The following HLCS variants were observed in gnomAD, a reference collection of about 807,000 sequenced individuals.
The protein encoded by HLCS is holocarboxylase synthetase.
A neutral mutation model predicts 75.0 loss-of-function variants in HLCS; 53 were observed. That is an observed-to-expected ratio of 0.71 (90% CI 0.57 to 0.89). HLCS has a LOEUF of 0.89. Ranked by LOEUF, HLCS falls within the 40% of genes least tolerant of loss-of-function variation. The pLI is 0.00. For synonymous variants in HLCS, 431 were observed against 428.6 expected (o/e 1.01, Z -0.07); for missense variants, 966 against 1,074.0 (o/e 0.90, Z 1.41).
intron 6 of HLCS, among the ~76,000 whole-genome samples, chr21:36,802,957 T>C (rs1265320982): frequency 1.3e-5 from 2 of 152,204 alleles, no homozygotes; most frequent in Non-Finnish European, 1.5e-5. Context: ...GTCAAAGAGA[T>C]GGGTGTAGAT....
chr21:36,800,644 CT>C (rs903180718), intron 6 of HLCS, among the ~76,000 whole-genome samples: 26 of 152,172 alleles, frequency 1.7e-4, no homozygotes, highest in African/African-American at 5.6e-4. Flanking sequence ...AGGGCTGGGA[CT>C]TGAACCTAGG....
At chr21:36,947,102 CG>C (rs2067440059) in intron 2 of HLCS, among the ~76,000 whole-genome samples, 1 of 152,124 alleles carries the variant, frequency 6.6e-6, no homozygotes, top group Non-Finnish European at 1.5e-5. Flanking sequence ...GGAGGAGAAC[CG>C]CTCAGCCAAT....
At chr21:36,756,178 C>G (rs2089564204) in intron 10 of HLCS, among the ~76,000 whole-genome samples, 1 of 152,180 alleles carries the variant, frequency 6.6e-6, no homozygotes, top group Admixed American at 6.5e-5. Flanking sequence ...GTGGCTCACA[C>G]CTGTAATCCC....
In HLCS at chr21:36,949,452, T is replaced by C. The variant is rs1287443149; in HGVS notation, c.331-10458A>G. 2.6e-5 allele frequency among the ~76,000 whole-genome samples: 4 copies of C among 152,186 alleles called. 1 individual carries two copies. Among genetic ancestry groups the C allele is most frequent in the African/African-American group, 9.6e-5 (4 of 41,464 alleles). The stretch of plus-strand genomic sequence containing the variant: ...TTGAGCTTCCTCACAGTATGGGAGC[T>C]GGACTCCCAGATGGCATGTTCCAAA... On this transcript the variant is annotated intron_variant, in intron 2 of 10. Transcript: ENST00000674895.
chr21:36,919,844 A>C (rs1316896308), intron 5 of HLCS, among the ~76,000 whole-genome samples: 4 of 152,256 alleles, frequency 2.6e-5, no homozygotes, highest in Non-Finnish European at 4.4e-5. Flanking sequence ...TATAAAGATG[A>C]AAATGGTAAT....
At chr21:36,778,418 T>A (rs1191939012) in intron 6 of HLCS, among the ~76,000 whole-genome samples, 1 of 152,148 alleles carries the variant, frequency 6.6e-6, no homozygotes, top group East Asian at 1.9e-4. Context: ...TAGCTGGGAT[T>A]ACAGGTGTGC....
chr21:36,936,967 T>C lies in HLCS; in HGVS notation c.919A>G (p.Lys307Glu), dbSNP rs199506593. 1.1e-5 allele frequency: 17 copies of C among 1,614,118 alleles called. No homozygotes were observed. The highest frequency in any genetic ancestry group is 1.0e-4 in the Admixed American group (6 of 60,004). Reference sequence around the variant, plus strand: ...ACATAGAGGAGGATGTTGGGTGCCTTTCCCGTGAGGTTGACTCTCCTCCCT... The same window carrying C: ...ACATAGAGGAGGATGTTGGGTGCCTCTCCCGTGAGGTTGACTCTCCTCCCT... Reference protein sequence around the residue: ...REGRRVNLTGKAPNILLYVGS... With the variant: ...REGRRVNLTGEAPNILLYVGS... The change falls in exon 4 of 11, where the codon AAG becomes GAG. Residue 307 changes from lysine to glutamate, a missense_variant. By Grantham distance (56) the Lys-to-Glu change is moderately conservative. Coordinates refer to ENST00000674895, the MANE Select transcript of HLCS (RefSeq NM_001352514.2).
At position 36,962,086 on chromosome 21, in the gene HLCS, T is replaced by C. The variant is rs1213204811; in HGVS notation, c.280A>G (p.Ser94Gly). 10 of 1,289,266 alleles carry C rather than the reference T, an allele frequency of 7.8e-6. No individual in the cohort carries two copies. Among genetic ancestry groups the C allele is most frequent in the Non-Finnish European group, 1.0e-5 (10 of 988,550 alleles). 79.9% of individuals were successfully genotyped at this position (1,289,266 alleles called of 1,614,324 possible). ...EAEHIAFVTE[S>G]IWVQSENLQR... The stretch of plus-strand genomic sequence containing the variant: ...AAATTCTCACTTTGTACCCAAATGC[T>C]CTCCGTCACAAATGCTATGTGTTCT... The change falls in exon 2 of 11, where the codon AGC becomes GGC. Residue 94 changes from serine (S) to glycine (G), a missense_variant. Physicochemically the swap from Ser to Gly is moderately conservative, Grantham distance 56. Coordinates refer to ENST00000674895, the MANE Select transcript of HLCS (RefSeq NM_001352514.2).
At chr21:36,970,711 C>T (rs1028321628), upstream of HLCS, among the ~76,000 whole-genome samples, 5 of 150,960 alleles carry the variant, frequency 3.3e-5, no homozygotes, top group African/African-American at 7.3e-5. Flanking sequence ...AGAAAATCTT[C>T]GCCGGGCACA....
At chr21:36,811,703 C>T (rs1569043884) in intron 6 of HLCS, among the ~76,000 whole-genome samples, 1 of 152,168 alleles carries the variant, frequency 6.6e-6, no homozygotes, top group Admixed American at 6.5e-5. Context: ...TTTAAAAGAC[C>T]TCTTTCCCAT....
chr21:36,856,981 T>A (rs555883322), intron 6 of HLCS, among the ~76,000 whole-genome samples: 26 of 152,256 alleles, frequency 1.7e-4, no homozygotes, highest in Non-Finnish European at 1.5e-5. Flanking sequence ...TCACTTTGCA[T>A]GGTCCCACAT....
intron 2 of HLCS, chr21:36,947,221 A>G (rs2067446282): frequency 2.5e-6 from 1 of 404,890 alleles, no homozygotes; most frequent in African/African-American, 2.2e-5. Context: ...CACACCTCTG[A>G]AGAGGAATGA....
intron 6 of HLCS, among the ~76,000 whole-genome samples, chr21:36,779,466 C>G (rs933509382): frequency 6.6e-6 from 1 of 152,050 alleles, no homozygotes; most frequent in Non-Finnish European, 1.5e-5. Flanking sequence ...CATTCTAGCC[C>G]CTCCTTTTCT....
At chr21:36,980,074 AG>A in intron 1 of HLCS, among the ~76,000 whole-genome samples, 1 of 138,968 alleles carries the variant, frequency 7.2e-6, no homozygotes, top group South Asian at 2.3e-4. Flanking sequence ...TGGTGGTCCC[AG>A]ATACTCAGAG....
chr21:36,770,649 T>C (rs1279347093), intron 6 of HLCS, among the ~76,000 whole-genome samples: 2 of 151,870 alleles, frequency 1.3e-5, no homozygotes, highest in East Asian at 3.9e-4. Context: ...TGACTCACTA[T>C]AGCCTGGACC....
chr21:36,878,298 T>G (rs1425355539), intron 6 of HLCS, among the ~76,000 whole-genome samples: 3 of 152,178 alleles, frequency 2.0e-5, no homozygotes, highest in African/African-American at 7.2e-5. Flanking sequence ...TATTTTCAAG[T>G]TCATAGAACC....
At chr21:36,793,295 C>CTTTTTTTTT (rs761549990) in intron 6 of HLCS, among the ~76,000 whole-genome samples, 7,245 of 115,596 alleles carry the variant, frequency 0.063, 580 homozygotes, top group African/African-American at 0.088. Flanking sequence ...AGGAAGCAGT[C>CTTTTTTTTT]TTTTTTTTTT....
At chr21:36,766,507 G>A (rs1411449311) in intron 7 of HLCS, among the ~76,000 whole-genome samples, 2 of 152,106 alleles carry the variant, frequency 1.3e-5, no homozygotes, top group South Asian at 2.1e-4. Context: ...TGGTTCAGGA[G>A]AAAGAAGTGG....
intron 2 of HLCS, among the ~76,000 whole-genome samples, chr21:36,961,386 T>C (rs1223316341): frequency 6.6e-6 from 1 of 152,124 alleles, no homozygotes; most frequent in Non-Finnish European, 1.5e-5. Context: ...CCAGGCGTGG[T>C]GGCTAACATC....
Sources: gnomAD v4.1 joint callset for allele counts (sites outside exome capture counted in the v4.1 genomes callset) on GRCh38, gnomAD v4.1.1 for gene constraint, MANE v1.5 for transcripts, NCBI Gene and HGNC (gene_info 2026-07-23, HGNC 2026-07-21) for gene names.